The following PLCH1 variants were observed in gnomAD, a reference collection of about 807,000 sequenced individuals.
The protein encoded by PLCH1 is 1-phosphatidylinositol 4,5-bisphosphate phosphodiesterase eta-1.
Under a neutral mutation model 126.7 loss-of-function variants are expected in PLCH1, and 60 were observed. The ratio of observed to expected loss-of-function variants is 0.47; its 90% CI spans 0.38 to 0.59. The LOEUF is 0.59. PLCH1 is among the 20% of genes least tolerant of loss of function. The pLI, the probability that PLCH1 is intolerant of heterozygous loss-of-function variation, is 0.00. For synonymous variants in PLCH1, 719 were observed against 734.9 expected (o/e 0.98, Z 0.35); for missense variants, 1,723 against 2,040.0 (o/e 0.84, Z 2.99).
intron 19 of PLCH1, 112 bp downstream of exon 19, chr3:155,490,671 TG>T (rs1226819191): frequency 6.4e-6 from 4 of 622,652 alleles, no homozygotes; most frequent in Non-Finnish European, 8.6e-6. Context: ...TAAACTCAGA[TG>T]GGAGTTACGG....
At chr3:155,488,201 G>GT in intron 20 of PLCH1, 94 bp from the exon 21 acceptor site, 2 of 708,880 alleles carry the variant, frequency 2.8e-6, no homozygotes, top group Non-Finnish European at 4.9e-6. Context: ...CTTGACTGTA[G>GT]TTCTTTTTTT....
chr3:155,481,930 A>G lies in PLCH1; in HGVS notation c.4096T>C (p.Cys1366Arg). Residue 1366 changes from cysteine (C) to arginine (R), a missense_variant, in exon 23 of 23, where the codon TGT becomes CGT. Around this residue, in one of 2 missense-constraint regions of PLCH1, gnomAD observed 947 missense variants for 977.1 expected, o/e 0.97. Coordinates refer to ENST00000460012, the MANE Select transcript of PLCH1 (RefSeq NM_014996.4). The surrounding 1 kb of genome is among the most constrained non-coding windows in gnomAD (Gnocchi z 4.2). Reference protein sequence around the residue: ...GESENLSLTTCEYRREGTSQL... With the variant: ...GESENLSLTTREYRREGTSQL... The stretch of plus-strand genomic sequence containing the variant: ...CTTGTGCCCTCTCTCCTATATTCAC[A>G]GGTTGTTAGAGAAAGATTTTCTGAT... 6.2e-7 allele frequency: 1 copy of G among 1,614,198 alleles called. No individual in the cohort carries two copies. Among genetic ancestry groups the G allele is most frequent in the African/African-American group, 1.3e-5 (1 of 75,042 alleles).
rs985326773 is a variant in PLCH1 at position 155,467,129 on chromosome 3, T to A, written c.2938+18227A>T. Among the ~76,000 whole-genome samples, 6 of 151,418 alleles carry A rather than the reference T, an allele frequency of 4.0e-5. No individual in the cohort carries two copies. The South Asian group carries it at 1.3e-3, about 32-fold the overall frequency. On this transcript the variant is annotated intron_variant, in intron 21 of 21. Transcript: ENST00000494598. The stretch of plus-strand genomic sequence containing the variant: ...CTAAACCTAGAGAAATATATCAATA[T>A]CCAAATACAAAAGGTTATAGAACAC...
intron 2 of PLCH1, among the ~76,000 whole-genome samples, chr3:155,619,498 T>TTAAAAA (rs200522384): frequency 6.1e-4 from 81 of 133,540 alleles, no homozygotes; most frequent in African/African-American, 1.4e-3. Flanking sequence ...ACAGAAAAAG[T>TTAAAAA]AAAAAAAAAA....
intron 2 of PLCH1, among the ~76,000 whole-genome samples, chr3:155,598,070 G>A (rs2108661707): frequency 6.6e-6 from 1 of 152,168 alleles, no homozygotes; most frequent in Non-Finnish European, 1.5e-5. Flanking sequence ...TGTAATCTCA[G>A]GTATTTGGGA....
Position 155,494,145 on chromosome 3 carries a change from G to A in PLCH1, c.2178C>T (p.Cys726=). The A allele has an allele frequency of 6.2e-7, 1 of 1,610,786 alleles. No homozygotes were observed. The highest frequency in any genetic ancestry group is 8.5e-7 in the Non-Finnish European group (1 of 1,177,014). ...CGYVLKPQQM[C]KGTFNPFSGD... ...GACTATGAAATTAATACACACCTTT[G>A]CACATTTGCTGGGGTTTGAGGACAT... The change falls in exon 17 of 23, where the codon TGC becomes TGT. Residue 726 remains cysteine, a synonymous_variant. Transcript: ENST00000460012.
chr3:155,686,414 C>T (rs1378720563), intron 2 of PLCH1, among the ~76,000 whole-genome samples: 6 of 152,128 alleles, frequency 3.9e-5, no homozygotes, highest in African/African-American at 1.4e-4. Context: ...GAATAAGGAC[C>T]CATGGAAGGG....
At chr3:155,502,372 T>C (rs930575662) in intron 13 of PLCH1, among the ~76,000 whole-genome samples, 1 of 152,204 alleles carries the variant, frequency 6.6e-6, no homozygotes, top group African/African-American at 2.4e-5. Flanking sequence ...TTTATTAAAA[T>C]AATCTATAAA....
chr3:155,697,103 A>AT (rs1215335355), intron 2 of PLCH1, among the ~76,000 whole-genome samples: 1 of 152,206 alleles, frequency 6.6e-6, no homozygotes, highest in Non-Finnish European at 1.5e-5. Flanking sequence ...TTACTCAGAA[A>AT]AATCCCTTCA....
chr3:155,554,133 T>G lies in PLCH1; in HGVS notation c.1133A>C (p.Lys378Thr). 1 of 1,613,920 alleles carries G rather than the reference T, an allele frequency of 6.2e-7. No homozygotes were observed. Among genetic ancestry groups the G allele is most frequent in the Non-Finnish European group, 8.5e-7 (1 of 1,179,836 alleles). The change falls in exon 9 of 23, where the codon AAA becomes ACA. Residue 378 changes from lysine to threonine, a missense_variant. Lys to Thr is a moderately conservative substitution (Grantham distance 78). Coordinates refer to ENST00000460012, the MANE Select transcript of PLCH1 (RefSeq NM_014996.4). ...CTCCACAACATCTCTGAAGAGAATT[T>G]TTGAAGTGAGAGTGTAACCATGATG... ...VVHHGYTLTS[K>T]ILFRDVVETI... is the part of the protein sequence containing the mutation.
chr3:155,634,550 A>C (rs1738492616), intron 2 of PLCH1, among the ~76,000 whole-genome samples: 1 of 152,198 alleles, frequency 6.6e-6, no homozygotes, highest in African/African-American at 2.4e-5. Context: ...GACTAAATGA[A>C]GACTGAAGGA....
At chr3:155,515,417 A>T (rs1720184449) in intron 11 of PLCH1, among the ~76,000 whole-genome samples, 1 of 152,270 alleles carries the variant, frequency 6.6e-6, no homozygotes, top group Non-Finnish European at 1.5e-5. Flanking sequence ...AGGAGAAAAG[A>T]ATGCTATGGA....
chr3:155,586,332 G>T, intron 4 of PLCH1, 138 bp from the exon 5 acceptor site: 1 of 710,622 alleles, frequency 1.4e-6, no homozygotes, highest in Non-Finnish European at 2.4e-6. Context: ...CAATCCATAG[G>T]CTCTGATGAG....
At chr3:155,632,616 A>T (rs908168777) in intron 2 of PLCH1, among the ~76,000 whole-genome samples, 5 of 152,222 alleles carry the variant, frequency 3.3e-5, no homozygotes, top group African/African-American at 1.2e-4. Context: ...TCACAAAAAA[A>T]TTGTTAAGAG....
chr3:155,714,238 TC>T (rs1186319398), intron 1 of PLCH1, among the ~76,000 whole-genome samples: 2 of 151,178 alleles, frequency 1.3e-5, no homozygotes, highest in Non-Finnish European at 3.0e-5. Context: ...CTTTCTCATT[TC>T]TCCATTAATT....
chr3:155,628,697 G>A (rs1737662005), intron 2 of PLCH1, among the ~76,000 whole-genome samples: 1 of 151,934 alleles, frequency 6.6e-6, no homozygotes, highest in Non-Finnish European at 1.5e-5. Context: ...ACTTAGTGGT[G>A]GGTAAGGAAA....
At chr3:155,736,656 T>G (rs1749197395) in intron 1 of PLCH1, among the ~76,000 whole-genome samples, 1 of 152,020 alleles carries the variant, frequency 6.6e-6, no homozygotes, top group Non-Finnish European at 1.5e-5. Flanking sequence ...TTGCAAAACC[T>G]CTCCCGCCCT....
intron 15 of PLCH1, among the ~76,000 whole-genome samples, chr3:155,495,418 A>C (rs566839337): frequency 3.3e-5 from 5 of 152,276 alleles, no homozygotes; most frequent in African/African-American, 1.2e-4. Flanking sequence ...CCAAGAACCC[A>C]TACCCTATCC....
intron 1 of PLCH1, among the ~76,000 whole-genome samples, chr3:155,726,231 C>A (rs1392589165): frequency 6.6e-6 from 1 of 152,096 alleles, no homozygotes; most frequent in Admixed American, 6.5e-5. Flanking sequence ...AAATAATTTT[C>A]TTCTACCTCA....
Sources: gnomAD v4.1 joint callset for allele counts (sites outside exome capture counted in the v4.1 genomes callset) on GRCh38, gnomAD v4.1.1 for gene constraint, gnomAD v4.1.1 regional missense constraint, Gnocchi (gnomAD v3.1) non-coding constraint, MANE v1.5 for transcripts, NCBI Gene and HGNC (gene_info 2026-07-23, HGNC 2026-07-21) for gene names.